CNTNAP4: variants seen among roughly 807,000 people sequenced by gnomAD.
The protein encoded by CNTNAP4 is contactin-associated protein-like 4.
In CNTNAP4, 98 loss-of-function variants were observed where a neutral mutation model predicts 148.4. That is an observed-to-expected ratio of 0.66 (90% CI 0.56 to 0.78). The LOEUF (loss-of-function observed/expected upper bound fraction) is 0.78. CNTNAP4 is among the 30% of genes least tolerant of loss of function. The pLI is 0.00. For missense variants in CNTNAP4, 1,935 were observed against 1,565.6 expected (o/e 1.24, Z -3.98); for synonymous variants, 730 against 565.1 (o/e 1.29, Z -4.14).
intron 2 of CNTNAP4, among the ~76,000 whole-genome samples, chr16:76,344,980 C>G (rs1010587260): frequency 6.6e-6 from 1 of 152,132 alleles, no homozygotes; most frequent in African/African-American, 2.4e-5. Flanking sequence ...ATCTCTGTGC[C>G]AAGGACAGTG....
At chr16:76,329,154 A>G (rs1330414316) in intron 2 of CNTNAP4, among the ~76,000 whole-genome samples, 1 of 152,250 alleles carries the variant, frequency 6.6e-6, no homozygotes, top group African/African-American at 2.4e-5. Context: ...GTAAAAACTC[A>G]TTTGAGAAGG....
At chr16:76,289,131 G>A (rs1368912031) in intron 1 of CNTNAP4, among the ~76,000 whole-genome samples, 2 of 152,054 alleles carry the variant, frequency 1.3e-5, no homozygotes, top group Middle Eastern at 6.8e-3. Context: ...ATTTTGGATT[G>A]AGGACTCTCA....
chr16:76,370,583 G>C (rs553555801), intron 3 of CNTNAP4, among the ~76,000 whole-genome samples: 3 of 152,304 alleles, frequency 2.0e-5, no homozygotes, highest in African/African-American at 7.2e-5. Context: ...CTGGGACACA[G>C]TCCACGTCAC....
rs571073193 is a variant in CNTNAP4, at chr16:76,452,568, A to G, written c.1132A>G (p.Arg378Gly). ...TATGCCCGTGACTTTTCTGAGCTCC[A>G]GGAGTTATTTAGCACTGCCAGACTT... Reference protein sequence around the residue: ...QSMPVTFLSSRSYLALPDFSG... With the variant: ...QSMPVTFLSSGSYLALPDFSG... Residue 378 changes from arginine (R) to glycine (G), a missense_variant, in exon 8 of 24, where the codon AGG becomes GGG. Physicochemically the swap from Arg to Gly is moderately radical, Grantham distance 125. Coordinates refer to ENST00000611870, the MANE Select transcript of CNTNAP4 (RefSeq NM_033401.5). The G allele has an allele frequency of 2.5e-6, 4 of 1,614,014 alleles. No homozygotes were observed. The South Asian group carries it at 4.4e-5, about 18-fold the overall frequency.
intron 10 of CNTNAP4, chr16:76,469,545 A>T (rs778678343): frequency 2.0e-5 from 3 of 152,210 alleles, no homozygotes; most frequent in Non-Finnish European, 4.4e-5. Flanking sequence ...ATTATCTCAG[A>T]TTGCTGAACA....
Position 76,356,718 on chromosome 16 carries a change from G to C in CNTNAP4, c.390+1207G>C, listed in dbSNP as rs2012699888. On this transcript the variant is annotated intron_variant, in intron 3 of 23. Transcript: ENST00000611870. Reference sequence around the variant, plus strand: ...AATGAAGCGTCATTCTTAGCACACAGATAATTTGGAAGCCTATTTGGGCAC... The same window carrying C: ...AATGAAGCGTCATTCTTAGCACACACATAATTTGGAAGCCTATTTGGGCAC... 2.6e-5 allele frequency among the ~76,000 whole-genome samples: 4 copies of C among 152,178 alleles called. No homozygotes were observed. In the South Asian group the frequency reaches 8.3e-4, roughly 32 times the overall value.
At chr16:76,358,036 T>G (rs1236621193) in intron 3 of CNTNAP4, among the ~76,000 whole-genome samples, 1 of 152,078 alleles carries the variant, frequency 6.6e-6, no homozygotes, top group African/African-American at 2.4e-5. Flanking sequence ...AAAGTTTATG[T>G]TAACTCACTG....
chr16:76,459,534 A>T (rs898890884), intron 8 of CNTNAP4, among the ~76,000 whole-genome samples: 1 of 152,204 alleles, frequency 6.6e-6, no homozygotes, highest in African/African-American at 2.4e-5. Flanking sequence ...CAGGGCAAAG[A>T]CATGTAATCA....
chr16:76,507,889 A>G (rs1016007349), intron 15 of CNTNAP4, among the ~76,000 whole-genome samples: 1 of 96,972 alleles, frequency 1.0e-5, no homozygotes, highest in African/African-American at 2.6e-5. Context: ...CGTCCTTGTC[A>G]CTCACTCTCC....
Position 76,518,775 on chromosome 16 carries a change from A to G in CNTNAP4, c.2366-2365A>G, listed in dbSNP as rs540776839. 1.3e-4 allele frequency among the ~76,000 whole-genome samples: 20 copies of G among 152,292 alleles called. No individual in the cohort carries two copies. The South Asian group carries it at 3.7e-3, about 28-fold the overall frequency. ...TTAACTGTAGTCACCCCAGTCTGCT[A>G]TTGAACATGAAGCTTATTCCTTCTA... On this transcript the variant is annotated intron_variant, in intron 15 of 23. Transcript: ENST00000611870.
chr16:76,433,563 A>T (rs2079695606), intron 4 of CNTNAP4, among the ~76,000 whole-genome samples: 1 of 152,156 alleles, frequency 6.6e-6, no homozygotes, highest in South Asian at 2.1e-4. Flanking sequence ...TAAAGAGGAC[A>T]ATTTAAAAAG....
rs141673132 is a variant in CNTNAP4, at chr16:76,474,941, T to G, written c.1656-998T>G. Among the ~76,000 whole-genome samples the G allele has an allele frequency of 2.3e-3, 345 of 152,338 alleles. 1 individual carries two copies. Among genetic ancestry groups the G allele is most frequent in the African/African-American group, 7.7e-3 (320 of 41,572 alleles). ...ATTATTTTTAATTAAACACAGTTACTTAGTATTTGGACATGTGTACCTGTT... is the reference window on the plus strand; with the variant it reads ...ATTATTTTTAATTAAACACAGTTACGTAGTATTTGGACATGTGTACCTGTT... On this transcript the variant is annotated intron_variant, in intron 10 of 23. Coordinates refer to ENST00000611870, the MANE Select transcript of CNTNAP4 (RefSeq NM_033401.5).
intron 12 of CNTNAP4, among the ~76,000 whole-genome samples, chr16:76,481,576 C>A (rs1269025211): frequency 1.3e-5 from 2 of 152,006 alleles, no homozygotes; most frequent in South Asian, 4.1e-4. Flanking sequence ...TGCTTAATAG[C>A]CTCCCGGGGC....
chr16:76,284,665 T>C (rs1958812314), intron 1 of CNTNAP4, among the ~76,000 whole-genome samples: 1 of 152,062 alleles, frequency 6.6e-6, no homozygotes, highest in Non-Finnish European at 1.5e-5. Flanking sequence ...CTTATATTTT[T>C]GGGGAAAATT....
intron 1 of CNTNAP4, among the ~76,000 whole-genome samples, chr16:76,278,437 T>C (rs1958564647): frequency 6.6e-6 from 1 of 152,216 alleles, no homozygotes; most frequent in African/African-American, 2.4e-5. Context: ...ACTGCATAAA[T>C]TTGTAATTGA....
intron 15 of CNTNAP4, among the ~76,000 whole-genome samples, chr16:76,519,298 T>C (rs1158328522): frequency 6.6e-6 from 1 of 152,164 alleles, no homozygotes; most frequent in Non-Finnish European, 1.5e-5. Flanking sequence ...TTTCATTGCT[T>C]TAAAGACATT....
chr16:76,414,802 C>T (rs1030320161), intron 3 of CNTNAP4, among the ~76,000 whole-genome samples: 4 of 151,186 alleles, frequency 2.6e-5, no homozygotes, highest in South Asian at 2.1e-4. Context: ...TGGCATAATT[C>T]GAAATATCAT....
chr16:76,397,194 C>T (rs2078232556), intron 3 of CNTNAP4, among the ~76,000 whole-genome samples: 1 of 151,796 alleles, frequency 6.6e-6, no homozygotes, highest in Non-Finnish European at 1.5e-5. Context: ...AACCAAGAGT[C>T]CAAAGGGCAG....
intron 3 of CNTNAP4, among the ~76,000 whole-genome samples, chr16:76,377,664 G>T (rs1019316872): frequency 6.6e-6 from 1 of 152,138 alleles, no homozygotes; most frequent in African/African-American, 2.4e-5. Context: ...GTCTGGAGGG[G>T]CAAAGTTTGC....
Sources: allele counts gnomAD v4.1 joint callset (sites outside exome capture counted in the v4.1 genomes callset), GRCh38; gene constraint gnomAD v4.1.1; transcripts MANE v1.5; gene names NCBI Gene and HGNC (gene_info 2026-07-23, HGNC 2026-07-21).